EFNA5: variants seen among roughly 807,000 people sequenced by gnomAD.
EFNA5 encodes the protein ephrin-A5.
In EFNA5, 5 loss-of-function variants were observed where a neutral mutation model predicts 22.9. The observed-to-expected ratio is 0.22, with a 90% CI of 0.11 to 0.46. EFNA5 has a LOEUF of 0.46. Ranked by LOEUF, EFNA5 falls within the 20% of genes least tolerant of loss-of-function variation. EFNA5 has a pLI of 0.99. For missense variants in EFNA5, 237 were observed against 293.3 expected (o/e 0.81, Z 1.40); for synonymous variants, 113 against 112.2 (o/e 1.01, Z -0.04).
At chr5:107,513,947 T>C (rs1747426913) in intron 1 of EFNA5, among the ~76,000 whole-genome samples, 1 of 152,118 alleles carries the variant, frequency 6.6e-6, no homozygotes, top group Admixed American at 6.6e-5. Context: ...CGCACAGGTG[T>C]TGGTGCTGGA....
intron 4 of EFNA5, among the ~76,000 whole-genome samples, chr5:107,384,322 G>T (rs1318648327): frequency 1.3e-5 from 2 of 152,174 alleles, no homozygotes; most frequent in Non-Finnish European, 1.5e-5. Context: ...ATGGTTAACG[G>T]AGAGAACACT....
Position 107,404,491 on chromosome 5 carries a change from C to A in EFNA5, c.419-16720G>T, listed in dbSNP as rs1748159609. ...CTATTAATATTTTTATAACAGCTAT[C>A]AATTATCTACTATTTCCATGCACCA... On this transcript the variant is annotated intron_variant, in intron 2 of 4. Coordinates refer to ENST00000333274, the MANE Select transcript of EFNA5 (RefSeq NM_001962.3). Among the ~76,000 whole-genome samples, 6 of 152,142 alleles carry A rather than the reference C, an allele frequency of 3.9e-5. No individual in the cohort carries two copies. In the South Asian group the frequency reaches 1.2e-3, roughly 32 times the overall value.
chr5:107,513,637 G>A (rs1747419882), intron 1 of EFNA5, among the ~76,000 whole-genome samples: 1 of 152,188 alleles, frequency 6.6e-6, no homozygotes, highest in Non-Finnish European at 1.5e-5. Flanking sequence ...TATTCTACAT[G>A]ACGGGTGCTG....
At chr5:107,507,278 T>G (rs551353215) in intron 1 of EFNA5, among the ~76,000 whole-genome samples, 1 of 152,250 alleles carries the variant, frequency 6.6e-6, no homozygotes. Context: ...CAGTAAAATA[T>G]GGATTACAAA....
chr5:107,643,516 C>T (rs527893849), intron 1 of EFNA5, among the ~76,000 whole-genome samples: 1 of 152,196 alleles, frequency 6.6e-6, no homozygotes, highest in East Asian at 1.9e-4. Context: ...CATCTGGGCC[C>T]CCAAAAGGGT....
intron 1 of EFNA5, among the ~76,000 whole-genome samples, chr5:107,466,995 T>C (rs774562816): frequency 7.2e-5 from 11 of 152,346 alleles, no homozygotes; most frequent in Non-Finnish European, 1.6e-4. Context: ...CTATCTTCAT[T>C]GATGGAGCCT....
intron 1 of EFNA5, among the ~76,000 whole-genome samples, chr5:107,481,313 GA>G (rs2112399347): frequency 6.6e-6 from 1 of 152,312 alleles, no homozygotes; most frequent in African/African-American, 2.4e-5. Context: ...TAACCGATTT[GA>G]CATTTCTGTG....
At chr5:107,531,717 A>G (rs1162270513) in intron 1 of EFNA5, among the ~76,000 whole-genome samples, 1 of 152,220 alleles carries the variant, frequency 6.6e-6, no homozygotes, top group Non-Finnish European at 1.5e-5. Context: ...GGTGTGCAGT[A>G]CTTGTTCTAA....
At chr5:107,560,658 T>C (rs1245146476) in intron 1 of EFNA5, among the ~76,000 whole-genome samples, 1 of 152,210 alleles carries the variant, frequency 6.6e-6, no homozygotes, top group Non-Finnish European at 1.5e-5. Flanking sequence ...GACAAGTGGC[T>C]TAACGTTGTG....
intron 1 of EFNA5, among the ~76,000 whole-genome samples, chr5:107,651,717 G>A (rs922026673): frequency 1.3e-5 from 2 of 149,988 alleles, no homozygotes; most frequent in South Asian, 4.2e-4. Flanking sequence ...CCACATGTCA[G>A]GGAAACAATT....
chr5:107,647,446 C>G (rs1750649548), intron 1 of EFNA5, among the ~76,000 whole-genome samples: 1 of 151,966 alleles, frequency 6.6e-6, no homozygotes, highest in Non-Finnish European at 1.5e-5. Context: ...ATGAAAATAG[C>G]TATATTGGTA....
intron 1 of EFNA5, among the ~76,000 whole-genome samples, chr5:107,461,529 A>AGAGAGGACGGGG (rs1749835161): frequency 6.6e-6 from 1 of 152,130 alleles, no homozygotes; most frequent in Non-Finnish European, 1.5e-5. Context: ...AATTGAGGCA[A>AGAGAGGACGGGG]GAGAGGACGG....
intron 1 of EFNA5, among the ~76,000 whole-genome samples, chr5:107,523,487 G>C (rs1747636006): frequency 6.6e-6 from 1 of 152,184 alleles, no homozygotes; most frequent in African/African-American, 2.4e-5. Context: ...TGGCTCACAA[G>C]GGGGCCAGCA....
chr5:107,475,016 CTG>C (rs1296752098), intron 1 of EFNA5, among the ~76,000 whole-genome samples: 2 of 152,174 alleles, frequency 1.3e-5, no homozygotes, highest in Non-Finnish European at 2.9e-5. Context: ...CACAATATGA[CTG>C]TGCTTTACTA....
chr5:107,569,979 G>C (rs1481854821), intron 1 of EFNA5, among the ~76,000 whole-genome samples: 1 of 151,698 alleles, frequency 6.6e-6, no homozygotes, highest in African/African-American at 2.4e-5. Flanking sequence ...CACTGACAGG[G>C]AAAAAAAAGT....
intron 1 of EFNA5, among the ~76,000 whole-genome samples, chr5:107,609,092 A>G (rs1220198439): frequency 6.6e-6 from 1 of 152,210 alleles, no homozygotes; most frequent in African/African-American, 2.4e-5. Flanking sequence ...ATAATTTATA[A>G]AAGAAAAAAT....
At chr5:107,621,428 G>C (rs1311275869) in intron 1 of EFNA5, among the ~76,000 whole-genome samples, 1 of 152,164 alleles carries the variant, frequency 6.6e-6, no homozygotes, top group African/African-American at 2.4e-5. Flanking sequence ...TAAATGCTGA[G>C]ACTTTCAATT....
At chr5:107,627,959 A>G (rs757049702) in intron 1 of EFNA5, among the ~76,000 whole-genome samples, 3 of 152,214 alleles carry the variant, frequency 2.0e-5, no homozygotes, top group Non-Finnish European at 4.4e-5. Flanking sequence ...GAATTAAAAT[A>G]AAGCATCAAG....
intron 1 of EFNA5, among the ~76,000 whole-genome samples, chr5:107,492,167 C>T (rs1746822916): frequency 1.3e-5 from 2 of 152,040 alleles, no homozygotes; most frequent in African/African-American, 4.8e-5. Flanking sequence ...CAAATAAAAG[C>T]AAAACAACTA....
Sources: gnomAD v4.1 joint callset for allele counts (sites outside exome capture counted in the v4.1 genomes callset) on GRCh38, gnomAD v4.1.1 for gene constraint, MANE v1.5 for transcripts, NCBI Gene and HGNC (gene_info 2026-07-23, HGNC 2026-07-21) for gene names.